The following CFAP47 variants were observed in gnomAD, a reference collection of about 807,000 sequenced individuals.
CFAP47 encodes the protein cilia and flagella associated protein 47.
Under a neutral mutation model 148.1 loss-of-function variants are expected in CFAP47, and 29 were observed. That is an observed-to-expected ratio of 0.20 (90% confidence interval 0.15 to 0.27). The LOEUF (loss-of-function observed/expected upper bound fraction) is 0.27, where lower values mean the gene tolerates loss of function less well. Ranked by LOEUF, CFAP47 falls within the 10% of genes least tolerant of loss-of-function variation. CFAP47 has a pLI of 1.00. For missense variants in CFAP47, 1,872 were observed against 1,697.5 expected (o/e 1.10, Z -1.81); for synonymous variants, 664 against 577.3 (o/e 1.15, Z -2.15).
chrX:36,023,871 C>G (rs1321296327), intron 22 of CFAP47, among the ~76,000 whole-genome samples: 1 of 112,094 alleles, frequency 8.9e-6, no homozygotes, highest in Non-Finnish European at 1.9e-5. Flanking sequence ...CTCCCCCCGG[C>G]CCAGGGCATG....
chrX:36,233,437 C>G (rs1555993172), intron 46 of CFAP47, among the ~76,000 whole-genome samples: 1 of 110,652 alleles, frequency 9.0e-6, no homozygotes, highest in Non-Finnish European at 1.9e-5. Context: ...GGATTGCAAC[C>G]CCTGCCTTTT....
intron 48 of CFAP47, among the ~76,000 whole-genome samples, chrX:36,242,312 T>C (rs1336480524): frequency 4.5e-5 from 5 of 112,014 alleles, no homozygotes; most frequent in African/African-American, 1.3e-4. Flanking sequence ...GGAATGGTTC[T>C]TAACCAGACT....
At chrX:36,054,898 G>A (rs902401583) in intron 26 of CFAP47, among the ~76,000 whole-genome samples, 6 of 109,259 alleles carry the variant, frequency 5.5e-5, no homozygotes, top group Non-Finnish European at 7.6e-5. Flanking sequence ...TCAGCTTCCC[G>A]AGTACCTGGG....
rs924740415 is a variant in CFAP47 at position 36,000,441 on chromosome X, A to G, written c.3322+14A>G. ...AAGACAAATCAGGTATATATTTTGT[A>G]TATAATGGTATTACTGTAAAAGGAA... On this transcript the variant is annotated intron_variant, in intron 20 of 63. Transcript: ENST00000378653. The G allele has an allele frequency of 6.2e-5, 18 of 288,412 alleles. No individual in the cohort carries two copies. The highest frequency in any genetic ancestry group is 1.9e-4 in the African/African-American group (7 of 36,108). The allele number at this position is 288,412 out of a possible 1,213,427, so 23.8% of individuals were successfully genotyped here. A position where few individuals can be genotyped will look rare whatever the true frequency, so the allele number is the denominator to read the frequency against.
chrX:35,989,487 G>A, intron 16 of CFAP47, 38 bp downstream of exon 16: 9 of 1,210,560 alleles, frequency 7.4e-6, no homozygotes, highest in Non-Finnish European at 1.0e-5. Context: ...TGTTTTGAGG[G>A]CTATGAATTT....
At position 36,035,649 on chromosome X, in the gene CFAP47, A is replaced by G. The variant is rs147058503; in HGVS notation, c.3652-46A>G. On this transcript the variant is annotated intron_variant, in intron 23 of 63. Coordinates refer to ENST00000378653, the MANE Select transcript of CFAP47 (RefSeq NM_001304548.2). Reference sequence around the variant, plus strand: ...GTAATACAACTAAACTTTAGATTGCATGCTATAATTTTAAACTTTTTTTGT... The same window carrying G: ...GTAATACAACTAAACTTTAGATTGCGTGCTATAATTTTAAACTTTTTTTGT... 2,227 of 289,428 alleles carry G rather than the reference A, an allele frequency of 7.7e-3. 49 individuals carry two copies. Among genetic ancestry groups the G allele is most frequent in the African/African-American group, 0.056 (2,026 of 36,157 alleles). The allele number at this position is 289,428 out of a possible 1,213,427, so 23.9% of individuals were successfully genotyped here.
intron 62 of CFAP47, among the ~76,000 whole-genome samples, chrX:36,372,236 T>C (rs781859676): frequency 1.8e-5 from 2 of 110,480 alleles, no homozygotes; most frequent in South Asian, 7.6e-4. Context: ...AAACTTGATA[T>C]GAATTTATAC....
chrX:36,316,959 G>T (rs186457406), intron 56 of CFAP47, among the ~76,000 whole-genome samples: 2 of 111,210 alleles, frequency 1.8e-5, no homozygotes, highest in Non-Finnish European at 3.8e-5. Context: ...CTAATTTTTC[G>T]TATTTTTTAT....
rs1937474996 is a variant in CFAP47, at chrX:36,047,001, C to A, written c.4155C>A (p.Phe1385Leu). ...ATAAGCTCACTTGCCACCTCAGTTT[C>A]AAGTCATCTAAACCTGTGTCATTTT... ...INNKLTCHLS[F>L]KSSKPVSFFT... Residue 1385 changes from phenylalanine (F) to leucine (L), a missense_variant, in exon 26 of 64, where the codon TTC (phenylalanine) becomes TTA (leucine). By Grantham distance (22) the Phe-to-Leu change is conservative (BLOSUM62 0). Transcript: ENST00000378653. 3 of 1,165,037 alleles carry A rather than the reference C, an allele frequency of 2.6e-6. No homozygotes were observed. The highest frequency in any genetic ancestry group is 3.4e-6 in the Non-Finnish European group (3 of 871,599).
chrX:36,232,025 T>C (rs1237223451), intron 46 of CFAP47, among the ~76,000 whole-genome samples: 4 of 111,552 alleles, frequency 3.6e-5, no homozygotes, highest in Non-Finnish European at 5.7e-5. Flanking sequence ...TAGTATTTTA[T>C]TGAGGATTTT....
rs189644112 is a variant in CFAP47, at chrX:36,012,289, C to T, written c.3418-2485C>T. Among the ~76,000 whole-genome samples the T allele has an allele frequency of 5.4e-3, 600 of 111,319 alleles. 6 individuals are homozygous for T. Among genetic ancestry groups the T allele is most frequent in the African/African-American group, 0.019 (574 of 30,590 alleles). On this transcript the variant is annotated intron_variant, in intron 21 of 63. Coordinates refer to ENST00000378653, the MANE Select transcript of CFAP47 (RefSeq NM_001304548.2). ...CTCAAGGATCTAGAACCAGAAATACCATTTGACCCAGCAATTCCATTACTG... is the reference window on the plus strand; with the variant it reads ...CTCAAGGATCTAGAACCAGAAATACTATTTGACCCAGCAATTCCATTACTG...
chrX:36,170,766 T>A (rs868124680), intron 39 of CFAP47, among the ~76,000 whole-genome samples: 24 of 108,081 alleles, frequency 2.2e-4, no homozygotes, highest in African/African-American at 8.2e-4. Context: ...TACGTGTGCA[T>A]GTGTCTTTAT....
intron 29 of CFAP47, among the ~76,000 whole-genome samples, chrX:36,075,597 T>C (rs1372602018): frequency 9.0e-6 from 1 of 111,653 alleles, no homozygotes; most frequent in East Asian, 2.8e-4. Context: ...CATGCATATA[T>C]TGTGTGATGC....
At chrX:36,355,410 G>A (rs1941777704) in intron 60 of CFAP47, among the ~76,000 whole-genome samples, 1 of 111,574 alleles carries the variant, frequency 9.0e-6, no homozygotes, top group Non-Finnish European at 1.9e-5. Context: ...TTCCAAGAGA[G>A]GTCTGTATTC....
At chrX:36,101,487 C>A (rs1383125420) in intron 32 of CFAP47, among the ~76,000 whole-genome samples, 1 of 111,554 alleles carries the variant, frequency 9.0e-6, no homozygotes, top group Admixed American at 9.5e-5. Flanking sequence ...TCTAGTCATG[C>A]AGCACCCTCA....
At position 36,057,772 on chromosome X, in the gene CFAP47, T is replaced by C. The variant is rs1937566227; in HGVS notation, c.4218-7871T>C. On this transcript the variant is annotated intron_variant, in intron 26 of 63. Transcript: ENST00000378653. ...CTTATTACAATTTAAACATTTTGTT[T>C]CCAAATTACTAAATCTGGAAGCAAA... Among the ~76,000 whole-genome samples, 4 of 111,609 alleles carry C rather than the reference T, an allele frequency of 3.6e-5. No homozygotes were observed. In the Admixed American group the frequency reaches 3.8e-4, roughly 11 times the overall value.
intron 21 of CFAP47, among the ~76,000 whole-genome samples, chrX:36,005,756 G>T (rs755601267): frequency 9.0e-6 from 1 of 111,521 alleles, no homozygotes; most frequent in Non-Finnish European, 1.9e-5. Flanking sequence ...TTTCAAATTT[G>T]TATTCTTATT....
At chrX:36,000,216 G>T (rs1661603109) in intron 19 of CFAP47, 67 bp from the exon 20 acceptor site, 1 of 269,740 alleles carries the variant, frequency 3.7e-6, no homozygotes, top group Admixed American at 6.5e-5. Flanking sequence ...ATATAATATT[G>T]CAAGTTTTAG....
intron 23 of CFAP47, among the ~76,000 whole-genome samples, chrX:36,031,898 A>G (rs1483571163): frequency 9.0e-6 from 1 of 110,756 alleles, no homozygotes; most frequent in African/African-American, 3.3e-5. Context: ...TTTTTGTCTT[A>G]TATATTGCTA....
Sources: gnomAD v4.1 joint callset for allele counts (sites outside exome capture counted in the v4.1 genomes callset) on GRCh38, gnomAD v4.1.1 for gene constraint, MANE v1.5 for transcripts, NCBI Gene and HGNC (gene_info 2026-07-23, HGNC 2026-07-21) for gene names.